The following LRP1B variants were observed in gnomAD, a reference collection of about 807,000 sequenced individuals.
LRP1B encodes low-density lipoprotein receptor-related protein 1B.
A neutral mutation model predicts 556.6 loss-of-function variants in LRP1B; 217 were observed. That is an observed-to-expected ratio of 0.39 (90% confidence interval 0.35 to 0.44). The LOEUF (loss-of-function observed/expected upper bound fraction) is 0.44. LRP1B is among the 20% of genes least tolerant of loss of function. The pLI, the probability that LRP1B is intolerant of heterozygous loss-of-function variation, is 1.00. For synonymous variants in LRP1B, 2,047 were observed against 1,865.8 expected (o/e 1.10, Z -2.50); for missense variants, 5,053 against 5,620.8 (o/e 0.90, Z 3.23).
chr2:140,643,219 GTTC>G (rs1161733276), intron 41 of LRP1B, among the ~76,000 whole-genome samples: 1 of 151,724 alleles, frequency 6.6e-6, no homozygotes, highest in Non-Finnish European at 1.5e-5. Context: ...CCTTAATGTT[GTTC>G]TTATAACGAG....
intron 2 of LRP1B, among the ~76,000 whole-genome samples, chr2:141,613,669 A>G (rs1688188031): frequency 1.3e-5 from 2 of 152,174 alleles, no homozygotes; most frequent in African/African-American, 2.4e-5. Context: ...AGTGAGGAGG[A>G]GGAAATCTAT....
At chr2:141,096,594 G>A (rs1262647321) in intron 7 of LRP1B, among the ~76,000 whole-genome samples, 2 of 134,944 alleles carry the variant, frequency 1.5e-5, no homozygotes, top group Non-Finnish European at 3.1e-5. Context: ...ACATGCCACT[G>A]CACCCTAGCC....
At position 141,074,589 on chromosome 2, in the gene LRP1B, C is replaced by CTATATA. The variant is rs1553456128; in HGVS notation, c.1014-12322_1014-12317dup. The stretch of plus-strand genomic sequence containing the variant: ...TCTCTGTCTCTCTCTCTCTCTCTCT[C>CTATATA]TATATATATATATATATGTTTTTTA... On this transcript the variant is annotated intron_variant, in intron 7 of 90. Transcript: ENST00000389484. Among the ~76,000 whole-genome samples, 582 of 136,460 alleles carry CTATATA rather than the reference C, an allele frequency of 4.3e-3. 2 individuals are homozygous for CTATATA. Among genetic ancestry groups the CTATATA allele is most frequent in the African/African-American group, 0.012 (456 of 36,986 alleles). 89.5% of individuals were successfully genotyped at this position (136,460 alleles called of 152,430 possible).
chr2:140,751,699 A>G (rs1340183078), intron 35 of LRP1B, among the ~76,000 whole-genome samples: 2 of 152,204 alleles, frequency 1.3e-5, no homozygotes, highest in Non-Finnish European at 2.9e-5. Flanking sequence ...TTGATGAGAC[A>G]GCATCTCCCT....
intron 2 of LRP1B, among the ~76,000 whole-genome samples, chr2:141,631,879 T>C (rs1264836470): frequency 3.3e-5 from 5 of 152,168 alleles, no homozygotes; most frequent in African/African-American, 4.8e-5. Context: ...TATCAAGATA[T>C]AATGTAAGTT....
intron 7 of LRP1B, among the ~76,000 whole-genome samples, chr2:141,153,375 AATATATATAAGCTATATATTTAT>A (rs1558896520): frequency 1.5e-4 from 16 of 103,548 alleles, no homozygotes; most frequent in South Asian, 8.8e-4. Context: ...TATATATAAT[AATATATATAAGCTATATATTTAT>A]ATATATTATA....
chr2:140,287,386 T>C (rs976892645), intron 84 of LRP1B, among the ~76,000 whole-genome samples: 6 of 151,716 alleles, frequency 4.0e-5, no homozygotes, highest in Non-Finnish European at 8.8e-5. Context: ...ATTCTTGTCC[T>C]GAGATGTTAA....
At position 140,350,777 on chromosome 2, in the gene LRP1B, A is replaced by G; in HGVS notation, c.11892+20T>C. On this transcript the variant is annotated intron_variant, in intron 77 of 90. Coordinates refer to ENST00000389484, the MANE Select transcript of LRP1B (RefSeq NM_018557.3). Reference sequence around the variant, plus strand: ...GGGGAAAAGGTATGGACTTTCAAATATACAATGGTATTTACTTACAATCAA... The same window carrying G: ...GGGGAAAAGGTATGGACTTTCAAATGTACAATGGTATTTACTTACAATCAA... The G allele has an allele frequency of 1.2e-6, 2 of 1,605,200 alleles. No individual in the cohort carries two copies. Among genetic ancestry groups the G allele is most frequent in the Non-Finnish European group, 1.7e-6 (2 of 1,176,458 alleles).
intron 2 of LRP1B, among the ~76,000 whole-genome samples, chr2:141,544,389 TCCTCCTCCTCCTCCTCC>T (rs1685469308): frequency 2.2e-5 from 2 of 92,180 alleles, no homozygotes; most frequent in African/African-American, 6.6e-5. Flanking sequence ...CTTCTCCTCC[TCCTCCTCCTCCTCCTCC>T]TCCTCCTTCT....
intron 2 of LRP1B, among the ~76,000 whole-genome samples, chr2:141,626,603 T>A (rs1034081321): frequency 3.3e-5 from 5 of 152,050 alleles, no homozygotes; most frequent in African/African-American, 1.2e-4. Context: ...CTCTTGAAAC[T>A]CAACAGTAAG....
chr2:141,397,155 T>C (rs1002167505), intron 3 of LRP1B, among the ~76,000 whole-genome samples: 39 of 142,702 alleles, frequency 2.7e-4, no homozygotes, highest in African/African-American at 1.1e-3. Flanking sequence ...TTCTACCCTT[T>C]AGAAACTAGA....
intron 2 of LRP1B, among the ~76,000 whole-genome samples, chr2:141,753,920 C>T (rs1694228712): frequency 6.6e-6 from 1 of 152,004 alleles, no homozygotes; most frequent in Non-Finnish European, 1.5e-5. Flanking sequence ...AACCCTAATA[C>T]CCAGGAGTGT....
chr2:140,508,642 C>CCAGCTTGGATAACT (rs1689519804), intron 52 of LRP1B, among the ~76,000 whole-genome samples: 1 of 152,106 alleles, frequency 6.6e-6, no homozygotes, highest in Non-Finnish European at 1.5e-5. Context: ...GAACTGTATG[C>CCAGCTTGGATAACT]CAGCTTGGAT....
chr2:141,815,058 G>C (rs907695993), intron 1 of LRP1B, among the ~76,000 whole-genome samples: 2 of 152,100 alleles, frequency 1.3e-5, no homozygotes, highest in African/African-American at 4.8e-5. Context: ...ATCTGGAGTA[G>C]ACTCATAGGC....
At chr2:141,764,059 T>C (rs984582579) in intron 2 of LRP1B, among the ~76,000 whole-genome samples, 3 of 152,212 alleles carry the variant, frequency 2.0e-5, no homozygotes, top group Non-Finnish European at 2.9e-5. Context: ...GGACTGAATA[T>C]GTCATCCGAA....
At chr2:141,869,620 C>T (rs1444167507) in intron 1 of LRP1B, among the ~76,000 whole-genome samples, 1 of 152,088 alleles carries the variant, frequency 6.6e-6, no homozygotes, top group Non-Finnish European at 1.5e-5. Context: ...CCAATTCTCA[C>T]CCAAATGTTT....
In LRP1B at chr2:141,029,068, G is replaced by A. The variant is rs1050804877; in HGVS notation, c.1790-8966C>T. On this transcript the variant is annotated intron_variant, in intron 11 of 90. Coordinates refer to ENST00000389484, the MANE Select transcript of LRP1B (RefSeq NM_018557.3). ...ACAGAAGAGAGGCATGGGGGCATCTGATGGAAGAACGTTCCAGACACAGAA... is the reference window on the plus strand; with the variant it reads ...ACAGAAGAGAGGCATGGGGGCATCTAATGGAAGAACGTTCCAGACACAGAA... Among the ~76,000 whole-genome samples, 9 of 152,242 alleles carry A rather than the reference G, an allele frequency of 5.9e-5. 1 individual carries two copies. The South Asian group carries it at 1.7e-3, about 28-fold the overall frequency.
rs377022979 is a variant in LRP1B, at chr2:140,660,180, A to G, written c.6799+40070T>C. Among the ~76,000 whole-genome samples, 441 of 152,050 alleles carry G rather than the reference A, an allele frequency of 2.9e-3. 4 individuals carry two copies. Among genetic ancestry groups the G allele is most frequent in the South Asian group, 0.021 (102 of 4,822 alleles). On this transcript the variant is annotated intron_variant, in intron 41 of 90. Coordinates refer to ENST00000389484, the MANE Select transcript of LRP1B (RefSeq NM_018557.3). ...CTGCTCTGCAAAAGTGTTTTTTTCA[A>G]CTTTTAAAGTAACTTTTTCTGGGTT...
chr2:140,600,773 T>C (rs947129675), intron 42 of LRP1B, among the ~76,000 whole-genome samples: 10 of 90,210 alleles, frequency 1.1e-4, no homozygotes, highest in East Asian at 5.7e-4. Flanking sequence ...CGGGGTTTTT[T>C]TTTTTTTTTT....
Sources: allele counts gnomAD v4.1 joint callset (sites outside exome capture counted in the v4.1 genomes callset), GRCh38; gene constraint gnomAD v4.1.1; transcripts MANE v1.5; gene names NCBI Gene and HGNC (gene_info 2026-07-23, HGNC 2026-07-21).